The following PI4KA variants were observed in gnomAD, a reference collection of about 807,000 sequenced individuals.
PI4KA encodes PI4-kinase alpha.
A neutral mutation model predicts 271.4 loss-of-function variants in PI4KA; 122 were observed. The observed-to-expected ratio is 0.45, with a 90% CI of 0.39 to 0.52. The LOEUF is 0.52. Ranked by LOEUF, PI4KA falls within the 20% of genes least tolerant of loss-of-function variation. The probability of loss-of-function intolerance (pLI) is 0.00; values close to 1 mark genes in which losing one functional copy is unlikely to be tolerated. For synonymous variants in PI4KA, 1,041 were observed against 1,078.8 expected (o/e 0.96, Z 0.69); for missense variants, 1,969 against 2,769.1 (o/e 0.71, Z 6.48).
At chr22:20,714,242 G>A (rs1019669125) in intron 47 of PI4KA, among the ~76,000 whole-genome samples, 4 of 152,070 alleles carry the variant, frequency 2.6e-5, no homozygotes, top group Admixed American at 1.3e-4. Context: ...CATGCCAGCT[G>A]ACTCACGGCA....
At chr22:20,775,843 T>TG (rs1055552704) in intron 19 of PI4KA, among the ~76,000 whole-genome samples, 4 of 152,126 alleles carry the variant, frequency 2.6e-5, no homozygotes, top group Admixed American at 6.6e-5. Context: ...GGAGGACACT[T>TG]GAAGTGTAGT....
chr22:20,781,957 A>G (rs1933834586), intron 19 of PI4KA, among the ~76,000 whole-genome samples: 1 of 152,254 alleles, frequency 6.6e-6, no homozygotes, highest in African/African-American at 2.4e-5. Context: ...AGAGTGGCAC[A>G]TGACAAGAGC....
chr22:20,855,518 T>C (rs912067623), intron 1 of PI4KA, among the ~76,000 whole-genome samples: 1 of 152,130 alleles, frequency 6.6e-6, no homozygotes, highest in Non-Finnish European at 1.5e-5. Flanking sequence ...GTTGTACTCA[T>C]GGCTAAATTT....
chr22:20,744,542 G>C (rs1036122536), intron 30 of PI4KA, 86 bp downstream of exon 30: 1 of 898,300 alleles, frequency 1.1e-6, no homozygotes, highest in Middle Eastern at 2.8e-4. Context: ...GGGACGCTTT[G>C]TTCATTTTCC....
intron 3 of PI4KA, among the ~76,000 whole-genome samples, chr22:20,826,429 A>G (rs1923434451): frequency 6.6e-6 from 1 of 152,078 alleles, no homozygotes; most frequent in Admixed American, 6.5e-5. Flanking sequence ...CACATACGAC[A>G]TTTTCTTTAT....
intron 18 of PI4KA, among the ~76,000 whole-genome samples, chr22:20,794,928 G>A (rs1360652375): frequency 6.6e-6 from 1 of 152,220 alleles, no homozygotes; most frequent in Middle Eastern, 3.2e-3. Flanking sequence ...AACAGAAGCT[G>A]TATGGCCTGC....
chr22:20,833,670 T>G (rs921422131), intron 3 of PI4KA, among the ~76,000 whole-genome samples: 5 of 149,188 alleles, frequency 3.4e-5, no homozygotes, highest in African/African-American at 9.9e-5. Context: ...TTTTTTTTTT[T>G]TTTTTTTTGA....
Position 20,747,180 on chromosome 22 carries a change from G to A in PI4KA, c.3363+403C>T, listed in dbSNP as rs191512556. Among the ~76,000 whole-genome samples, 347 of 152,252 alleles carry A rather than the reference G, an allele frequency of 2.3e-3. 1 individual carries two copies. The highest frequency in any genetic ancestry group is 8.1e-3 in the African/African-American group (337 of 41,540). ...CAAGAAGCTGAAGGCATTCATGTGC[G>A]GTTCAGCACCTGCAGAAAACAGAAC... On this transcript the variant is annotated intron_variant, in intron 29 of 54. Coordinates refer to ENST00000255882, the MANE Select transcript of PI4KA (RefSeq NM_058004.4).
At chr22:20,759,233 G>A (rs1931676542) in intron 23 of PI4KA, among the ~76,000 whole-genome samples, 1 of 152,032 alleles carries the variant, frequency 6.6e-6, no homozygotes, top group African/African-American at 2.4e-5. Context: ...TTGTACAGAT[G>A]GGGTATTGCT....
intron 42 of PI4KA, among the ~76,000 whole-genome samples, chr22:20,724,657 A>G (rs1188811030): frequency 6.6e-6 from 1 of 152,208 alleles, no homozygotes; most frequent in Non-Finnish European, 1.5e-5. Flanking sequence ...AAAGCAAGAA[A>G]GAAACCAGTG....
chr22:20,821,005 C>T (rs1333613764), intron 4 of PI4KA, among the ~76,000 whole-genome samples: 1 of 152,196 alleles, frequency 6.6e-6, no homozygotes, highest in African/African-American at 2.4e-5. Flanking sequence ...ATGCTAATTG[C>T]CAGCTTCTGA....
chr22:20,784,326 T>C, intron 19 of PI4KA: 1 of 1,582,996 alleles, frequency 6.3e-7, no homozygotes. Flanking sequence ...GATCATTTTT[T>C]TAAAAAGGGA....
rs1172447883 is a variant in PI4KA, at chr22:20,786,138, C to T, written c.2328+7055G>A. ...GCAGGCATCTCAGACCAAAGGATCG[C>T]CATCGACCTGGTAACCACTCCCTTG... On this transcript the variant is annotated intron_variant, in intron 19 of 54. Transcript: ENST00000255882. 2 of 1,613,946 alleles carry T rather than the reference C, an allele frequency of 1.2e-6. No homozygotes were observed. The highest frequency in any genetic ancestry group is 1.7e-6 in the Non-Finnish European group (2 of 1,180,032).
At chr22:20,726,746 C>T (rs1273236238) in intron 41 of PI4KA, among the ~76,000 whole-genome samples, 1 of 152,348 alleles carries the variant, frequency 6.6e-6, no homozygotes, top group African/African-American at 2.4e-5. Context: ...CGCTCTACAG[C>T]GGGCGAGGGC....
chr22:20,764,893 C>T lies in PI4KA; in HGVS notation c.2632G>A (p.Val878Met), dbSNP rs746085885. ...IINLLDPPPE[V>M]SALINKLDFA... ...TCCAGCTTGTTGATGAGTGCGGACACCTCGGGAGGGGGGTCCAGCAGGTTG... is the reference window on the plus strand; with the variant it reads ...TCCAGCTTGTTGATGAGTGCGGACATCTCGGGAGGGGGGTCCAGCAGGTTG... Residue 878 changes from valine (V) to methionine (M), a missense_variant, in exon 22 of 55, where the codon GTG (valine) becomes ATG (methionine). This residue lies in a region of PI4KA where 368 missense variants were observed against 544.3 expected (regional missense o/e 0.68). Transcript: ENST00000255882. 3 of 1,613,612 alleles carry T rather than the reference C, an allele frequency of 1.9e-6. No individual in the cohort carries two copies. The highest frequency in any genetic ancestry group is 2.5e-6 in the Non-Finnish European group (3 of 1,179,728).
chr22:20,780,713 T>C (rs975969830), intron 19 of PI4KA, among the ~76,000 whole-genome samples: 11 of 145,368 alleles, frequency 7.6e-5, no homozygotes, highest in African/African-American at 2.9e-4. Context: ...AAGGCAGAGA[T>C]TGCAGTGAGC....
intron 16 of PI4KA, 178 bp from the exon 17 acceptor site, chr22:20,798,865 T>G (rs939629648): frequency 1.6e-5 from 10 of 625,834 alleles, no homozygotes; most frequent in Non-Finnish European, 2.8e-5. Context: ...AAAAGGGACA[T>G]GGCTTAGATT....
Position 20,761,390 on chromosome 22 carries a change from AG to A in PI4KA, c.2709-5del. 6.3e-7 allele frequency: 1 copy of A among 1,595,078 alleles called. No individual in the cohort carries two copies. The highest frequency in any genetic ancestry group is 8.6e-7 in the Non-Finnish European group (1 of 1,162,776). Reference sequence around the variant, plus strand: ...AGGATCTGTTGAACGCAGTACCCTAAGAAGAAAACAGCTTTAAATAAATTTT... The same window carrying A: ...AGGATCTGTTGAACGCAGTACCCTAAAAGAAAACAGCTTTAAATAAATTTT... On this transcript the variant is annotated splice_region_variant and splice_polypyrimidine_tract_variant and intron_variant, in intron 22 of 54. Coordinates refer to ENST00000255882, the MANE Select transcript of PI4KA (RefSeq NM_058004.4).
intron 7 of PI4KA, among the ~76,000 whole-genome samples, chr22:20,817,685 G>T (rs1436572905): frequency 8.4e-6 from 1 of 119,502 alleles, no homozygotes; most frequent in East Asian, 2.9e-4. Context: ...GGTGAGCCAT[G>T]ATCATGCCGC....
Sources: allele counts gnomAD v4.1 joint callset (sites outside exome capture counted in the v4.1 genomes callset), GRCh38; gene constraint gnomAD v4.1.1; regional missense constraint gnomAD v4.1.1; transcripts MANE v1.5; gene names NCBI Gene and HGNC (gene_info 2026-07-23, HGNC 2026-07-21).